Variants in MARCHF1 observed in about 807,000 individuals in gnomAD.
MARCHF1 encodes E3 ubiquitin-protein ligase MARCHF1.
MARCHF1 carries 40 observed loss-of-function variants against 54.2 expected under a neutral mutation model. The ratio of observed to expected loss-of-function variants is 0.74; its 90% CI spans 0.57 to 0.96. The LOEUF (loss-of-function observed/expected upper bound fraction) is 0.96. MARCHF1 is among the 40% of genes least tolerant of loss of function. The pLI is 0.00. For missense variants in MARCHF1, 586 were observed against 656.5 expected, an observed-to-expected ratio of 0.89 and a Z score of 1.17; for synonymous variants, 236 against 236.3, an observed-to-expected ratio of 1.00 and a Z score of 0.01.
intron 2 of MARCHF1, among the ~76,000 whole-genome samples, chr4:164,030,690 C>A (rs192178413): frequency 6.6e-6 from 1 of 152,254 alleles, no homozygotes; most frequent in African/African-American, 2.4e-5. Flanking sequence ...AGAGTTAAGA[C>A]TTATAAAACA....
chr4:163,758,198 G>A (rs1042992880), intron 4 of MARCHF1, among the ~76,000 whole-genome samples: 9 of 152,118 alleles, frequency 5.9e-5, no homozygotes, highest in African/African-American at 2.2e-4. Context: ...GAGGGATGAG[G>A]GAGTCTGGAA....
chr4:164,220,138 A>G (rs972024154), intron 1 of MARCHF1, among the ~76,000 whole-genome samples: 1 of 151,530 alleles, frequency 6.6e-6, no homozygotes, highest in African/African-American at 2.4e-5. Flanking sequence ...TACCTAATTA[A>G]ACATTTGAAT....
At chr4:164,232,072 AAAG>A (rs1424839372) in intron 1 of MARCHF1, among the ~76,000 whole-genome samples, 2 of 152,170 alleles carry the variant, frequency 1.3e-5, no homozygotes, top group Non-Finnish European at 2.9e-5. Flanking sequence ...TTTCTAAAGA[AAAG>A]AAGGCAGCCA....
intron 3 of MARCHF1, among the ~76,000 whole-genome samples, chr4:163,872,195 A>T (rs1174849057): frequency 6.6e-6 from 1 of 152,332 alleles, no homozygotes; most frequent in Non-Finnish European, 1.5e-5. Context: ...CCTTTTGTCT[A>T]TGTAATGTGT....
intron 3 of MARCHF1, among the ~76,000 whole-genome samples, chr4:163,943,123 T>A (rs1751949675): frequency 6.6e-6 from 1 of 152,206 alleles, no homozygotes; most frequent in Non-Finnish European, 1.5e-5. Context: ...TTTCAAAAAT[T>A]TTTTCCCATT....
At chr4:163,909,386 T>C (rs949710252) in intron 3 of MARCHF1, among the ~76,000 whole-genome samples, 6 of 152,222 alleles carry the variant, frequency 3.9e-5, no homozygotes, top group African/African-American at 1.2e-4. Context: ...CCATAAATTG[T>C]GTCCTACTGT....
intron 5 of MARCHF1, among the ~76,000 whole-genome samples, chr4:163,662,149 T>C (rs1308485210): frequency 1.3e-5 from 2 of 152,086 alleles, no homozygotes; most frequent in Admixed American, 1.3e-4. Flanking sequence ...AGTTGGTCCA[T>C]GATATCTGGA....
chr4:163,545,844 A>G (rs917294055), intron 8 of MARCHF1, 101 bp from the exon 9 acceptor site: 3 of 938,184 alleles, frequency 3.2e-6, no homozygotes, highest in Non-Finnish European at 5.0e-6. Context: ...GAAAAACAGT[A>G]AATATCTGCA....
chr4:163,969,812 A>G (rs1579429978), intron 3 of MARCHF1, among the ~76,000 whole-genome samples: 1 of 152,344 alleles, frequency 6.6e-6, no homozygotes, highest in Non-Finnish European at 1.5e-5. Context: ...ATGCTACTCA[A>G]TGTAGTAAAA....
chr4:163,643,293 A>G (rs1742628560), intron 5 of MARCHF1, among the ~76,000 whole-genome samples: 1 of 140,628 alleles, frequency 7.1e-6, no homozygotes, highest in South Asian at 2.3e-4. Flanking sequence ...GCACCACTGC[A>G]CTCCAGTATG....
chr4:164,220,556 G>T (rs1337386285), intron 1 of MARCHF1, among the ~76,000 whole-genome samples: 2 of 143,420 alleles, frequency 1.4e-5, no homozygotes, highest in African/African-American at 5.1e-5. Flanking sequence ...TACTATATAT[G>T]ATATATATCT....
chr4:164,117,104 A>G (rs995221983), intron 1 of MARCHF1, among the ~76,000 whole-genome samples: 2 of 151,926 alleles, frequency 1.3e-5, no homozygotes, highest in African/African-American at 4.8e-5. Flanking sequence ...CTAAAAATAC[A>G]AAAATTAGCC....
chr4:164,266,377 G>A (rs1311342096), intron 1 of MARCHF1, among the ~76,000 whole-genome samples: 1 of 152,096 alleles, frequency 6.6e-6, no homozygotes, highest in Non-Finnish European at 1.5e-5. Context: ...CATTAAACAC[G>A]ATTGAAATAA....
chr4:164,383,144 G>A (rs1300437438), intron 1 of MARCHF1: 2 of 152,398 alleles, frequency 1.3e-5, no homozygotes, highest in East Asian at 3.9e-4. Context: ...ACTTCCTGGA[G>A]CTCCAGAAAC....
intron 1 of MARCHF1, among the ~76,000 whole-genome samples, chr4:164,278,561 G>A (rs369262288): frequency 3.3e-5 from 5 of 152,302 alleles, no homozygotes; most frequent in East Asian, 1.9e-4. Context: ...TTGAAAGATT[G>A]TTCAAATATG....
intron 2 of MARCHF1, among the ~76,000 whole-genome samples, chr4:164,100,916 G>C (rs956791488): frequency 1.3e-5 from 2 of 152,160 alleles, no homozygotes; most frequent in Non-Finnish European, 2.9e-5. Context: ...CACAGTGCGC[G>C]AGCCGAAGTA....
chr4:164,323,366 G>GC (rs1735189857), intron 1 of MARCHF1, among the ~76,000 whole-genome samples: 8 of 151,478 alleles, frequency 5.3e-5, no homozygotes, highest in South Asian at 2.1e-4. Context: ...GCTGTACTTA[G>GC]GAAAATATAC....
chr4:163,593,031 G>A (rs1286565675), intron 7 of MARCHF1, among the ~76,000 whole-genome samples: 1 of 151,968 alleles, frequency 6.6e-6, no homozygotes, highest in Non-Finnish European at 1.5e-5. Context: ...GTTAACCATC[G>A]CTTTACTGCC....
intron 3 of MARCHF1, among the ~76,000 whole-genome samples, chr4:163,857,594 A>C (rs1579344672): frequency 6.6e-6 from 1 of 152,288 alleles, no homozygotes; most frequent in East Asian, 1.9e-4. Flanking sequence ...GATCACAGGA[A>C]ATTGAGATTT....
Sources: gnomAD v4.1 joint callset for allele counts (sites outside exome capture counted in the v4.1 genomes callset) on GRCh38, gnomAD v4.1.1 for gene constraint, MANE v1.5 for transcripts, NCBI Gene and HGNC (gene_info 2026-07-23, HGNC 2026-07-21) for gene names.